KLHL21: variants seen among roughly 807,000 people sequenced by gnomAD.
KLHL21 encodes kelch-like protein 21.
Under a neutral mutation model 44.1 loss-of-function variants are expected in KLHL21, and 42 were observed. The ratio of observed to expected loss-of-function variants is 0.95; its 90% CI spans 0.74 to 1.23. The LOEUF is 1.23. Ranked by LOEUF, KLHL21 falls within the 50% of genes most tolerant of loss-of-function variation. The pLI is 0.00. For missense variants in KLHL21, 918 were observed against 889.1 expected (o/e 1.03, Z -0.41); for synonymous variants, 524 against 411.6 (o/e 1.27, Z -3.31).
In KLHL21 at chr1:6,591,438, C is replaced by T; in HGVS notation, c.*1927G>A. 6.3e-6 allele frequency: 1 copy of T among 159,028 alleles called. No homozygotes were observed. Among genetic ancestry groups the T allele is most frequent in the Non-Finnish European group, 1.4e-5 (1 of 72,690 alleles). 9.9% of individuals were successfully genotyped at this position (159,028 alleles called of 1,614,324 possible). On this transcript the variant is annotated 3_prime_UTR_variant, in exon 4 of 4. Coordinates refer to ENST00000377658, the MANE Select transcript of KLHL21 (RefSeq NM_014851.4). Reference sequence around the variant, plus strand: ...ACCCAGAGTTCCACAGGGGCAAGGCCTCGCAGACCAGCCAAGCCCGAGATG... The same window carrying T: ...ACCCAGAGTTCCACAGGGGCAAGGCTTCGCAGACCAGCCAAGCCCGAGATG...
At chr1:6,601,665 A>G in intron 1 of KLHL21, 132 bp downstream of exon 1, 1 of 1,378,526 alleles carries the variant, frequency 7.3e-7, no homozygotes, top group Non-Finnish European at 9.5e-7. Context: ...ACATGTAGTC[A>G]CCAGAGCCCC....
At chr1:6,599,011 C>T in intron 2 of KLHL21, 36 bp downstream of exon 2, 1 of 1,535,002 alleles carries the variant, frequency 6.5e-7, no homozygotes, top group Non-Finnish European at 8.8e-7. Flanking sequence ...GTAAGAGACA[C>T]CAAACACACA....
intron 1 of KLHL21, chr1:6,599,771 G>C (rs1640988943): frequency 3.0e-6 from 1 of 331,742 alleles, no homozygotes; most frequent in Non-Finnish European, 5.6e-6. Flanking sequence ...CCAGAGCCCT[G>C]GGCCTTGGGA....
rs1462914628 is a variant in KLHL21 at position 6,599,052 on chromosome 1, A to G, written c.1422T>C (p.Phe474=). ...GCTCGGCACCTGGAACTCACCTGAC[A>G]AAGTACATGAGTCCGTTTAGAGTCG... ...KTATLNGLMY[F]VRDDSAEVDV... Residue 474 remains phenylalanine (F), a synonymous_variant, in exon 2 of 4, where the codon TTT becomes TTC. Transcript: ENST00000377658. 5 of 1,575,998 alleles carry G rather than the reference A, an allele frequency of 3.2e-6. No homozygotes were observed. In the African/African-American group the frequency reaches 5.4e-5, roughly 17 times the overall value.
chr1:6,599,030 C>A lies in KLHL21; in HGVS notation c.1427+17G>T. The A allele has an allele frequency of 1.3e-6, 2 of 1,554,214 alleles. No individual in the cohort carries two copies. The highest frequency in any genetic ancestry group is 1.7e-6 in the Non-Finnish European group (2 of 1,147,406). On this transcript the variant is annotated intron_variant, in intron 2 of 3. Coordinates refer to ENST00000377658, the MANE Select transcript of KLHL21 (RefSeq NM_014851.4). Reference sequence around the variant, plus strand: ...GAGACACCAAACACACAGTGGGGCTCGGCACCTGGAACTCACCTGACAAAG... The same window carrying A: ...GAGACACCAAACACACAGTGGGGCTAGGCACCTGGAACTCACCTGACAAAG...
At chr1:6,595,634 T>C in intron 2 of KLHL21, 77 bp from the exon 3 acceptor site, 13 of 1,246,202 alleles carry the variant, frequency 1.0e-5, no homozygotes, top group Non-Finnish European at 1.5e-5. Flanking sequence ...AGCAGAGTCC[T>C]CCCCTGGGTC....
At position 6,592,585 on chromosome 1, in the gene KLHL21, G is replaced by C. The variant is rs1175363018; in HGVS notation, c.*780C>G. 2 of 152,270 alleles carry C rather than the reference G, an allele frequency of 1.3e-5. No homozygotes were observed. The highest frequency in any genetic ancestry group is 4.8e-5 in the African/African-American group (2 of 41,460). 9.4% of individuals were successfully genotyped at this position (152,270 alleles called of 1,614,324 possible). A position where few individuals can be genotyped will look rare whatever the true frequency, so the allele number is the denominator to read the frequency against. ...GAAGCAGTGGGACTCCTCACGCGCAGGCCCAGCAAGGGCTTGGGCACCCGC... is the reference window on the plus strand; with the variant it reads ...GAAGCAGTGGGACTCCTCACGCGCACGCCCAGCAAGGGCTTGGGCACCCGC... On this transcript the variant is annotated 3_prime_UTR_variant, in exon 4 of 4. Coordinates refer to ENST00000377658, the MANE Select transcript of KLHL21 (RefSeq NM_014851.4).
At chr1:6,595,226 C>G (rs1445057215) in intron 3 of KLHL21, 2 of 605,520 alleles carry the variant, frequency 3.3e-6, no homozygotes, top group Non-Finnish European at 5.9e-6. Flanking sequence ...TCCCTCACTT[C>G]CTTCTGCTCT....
At chr1:6,599,593 A>C in intron 1 of KLHL21, 141 bp from the exon 2 acceptor site, 1 of 873,612 alleles carries the variant, frequency 1.1e-6, no homozygotes, top group Non-Finnish European at 1.7e-6. Flanking sequence ...CCCTCTCCCC[A>C]AAAGCCCAGG....
Position 6,602,161 on chromosome 1 carries a change from C to A in KLHL21, c.657G>T (p.Gln219His), listed in dbSNP as rs1454168492. 8.4e-6 allele frequency: 12 copies of A among 1,427,308 alleles called. No homozygotes were observed. Among genetic ancestry groups the A allele is most frequent in the Non-Finnish European group, 1.1e-5 (12 of 1,101,504 alleles). 88.4% of individuals were successfully genotyped at this position (1,427,308 alleles called of 1,614,324 possible). Residue 219 changes from glutamine to histidine, a missense_variant, in exon 1 of 4, where the codon CAG becomes CAT. By Grantham distance (24) the Gln-to-His change is conservative. Transcript: ENST00000377658. ...AGGGCAGGCGCACGGCCTCCAGCAG[C>A]TGCGGCCAGTGCGCGGCGCGGCGCG... ...DPPRRAAHWP[Q>H]LLEAVRLPFV...
Position 6,602,276 on chromosome 1 carries a change from A to T in KLHL21, c.542T>A (p.Leu181Gln). The change falls in exon 1 of 4, where the codon CTG (leucine) becomes CAG (glutamine). Residue 181 changes from leucine to glutamine, a missense_variant. Transcript: ENST00000377658. ...CCCGTCGTCCCGCAGGTAGCGCAGC[A>T]GGCGCGCCAGTGGCAGCCGCTCCAG... ...EQLERLPLAR[L>Q]LRYLRDDGLC... 6.4e-7 allele frequency: 1 copy of T among 1,555,526 alleles called. No individual in the cohort carries two copies. The highest frequency in any genetic ancestry group is 8.6e-7 in the Non-Finnish European group (1 of 1,158,134).
chr1:6,595,623 G>C (rs1336589941), intron 2 of KLHL21, 66 bp from the exon 3 acceptor site: 3 of 1,387,396 alleles, frequency 2.2e-6, no homozygotes, highest in Non-Finnish European at 3.0e-6. Flanking sequence ...TGCAGGGCTG[G>C]AGCAGAGTCC....
rs1640888481 is a variant in KLHL21 at position 6,593,851 on chromosome 1, C to G, written c.1501-193G>C. The stretch of plus-strand genomic sequence containing the variant: ...GGAGAACGGGCCTCCCCGGAGGCAG[C>G]TGGGCCTTCCCTATGGTGATGAGGG... On this transcript the variant is annotated intron_variant, in intron 3 of 3. Transcript: ENST00000377658. 5.1e-6 allele frequency: 7 copies of G among 1,366,822 alleles called. No individual in the cohort carries two copies. In the East Asian group the frequency reaches 1.5e-4, roughly 30 times the overall value. 84.7% of individuals were successfully genotyped at this position (1,366,822 alleles called of 1,614,324 possible). A position where few individuals can be genotyped will look rare whatever the true frequency, so the allele number is the denominator to read the frequency against.
Position 6,601,954 on chromosome 1 carries a change from G to A in KLHL21, c.864C>T (p.Leu288=), listed in dbSNP as rs1641028491. The change falls in exon 1 of 4, where the codon CTC becomes CTT. Residue 288 remains leucine (L), a synonymous_variant. Transcript: ENST00000377658. ...CCTGGTCGCAGCCGCCCACGAGCAC[G>A]AGGATCTCGGCGAGACCGGTGGACG... ...PRPSTGLAEI[L]VLVGGCDQDC... The A allele has an allele frequency of 1.9e-6, 3 of 1,559,246 alleles. No individual in the cohort carries two copies. The South Asian group carries it at 3.5e-5, about 18-fold the overall frequency.
At chr1:6,599,473 C>T in intron 1 of KLHL21, 21 bp from the exon 2 acceptor site, 1 of 1,582,456 alleles carries the variant, frequency 6.3e-7, no homozygotes, top group Non-Finnish European at 8.6e-7. Flanking sequence ...GCATGACAGG[C>T]AGAAGATCAG....
At position 6,602,757 on chromosome 1, in the gene KLHL21, GGCTC is replaced by G. The variant is rs1438800252; in HGVS notation, c.57_60del (p.Ser20CysfsTer5). The G allele has an allele frequency of 6.7e-7, 1 of 1,495,872 alleles. No homozygotes were observed. The allele number at this position is 1,495,872 out of a possible 1,614,324, so 92.7% of individuals were successfully genotyped here. On this transcript the variant is annotated frameshift_variant, in exon 1 of 4. Transcript: ENST00000377658. LOFTEE classifies it high-confidence loss of function. ...CGCAGCTGGCTCAGGCCGCGCAGCA[GGCTC>G]AGGGCGTGCGCGGGGTCCGAGAAGG...
chr1:6,595,136 G>A (rs981260115), intron 3 of KLHL21: 18 of 536,492 alleles, frequency 3.4e-5, no homozygotes, highest in East Asian at 2.2e-4. Flanking sequence ...CTAAGAACAC[G>A]CCAGGGTGCC....
At position 6,601,929 on chromosome 1, in the gene KLHL21, C is replaced by A; in HGVS notation, c.889G>T (p.Asp297Tyr). Residue 297 changes from aspartate (D) to tyrosine (Y), a missense_variant, in exon 1 of 4, where the codon GAC (aspartate) becomes TAC (tyrosine). Coordinates refer to ENST00000377658, the MANE Select transcript of KLHL21 (RefSeq NM_014851.4). ...ILVLVGGCDQ[D>Y]CDELVTVDCY... is the part of the protein sequence containing the mutation. ...TCGACAGTGACCAGCTCGTCACAGT[C>A]CTGGTCGCAGCCGCCCACGAGCACG... 6.4e-7 allele frequency: 1 copy of A among 1,561,572 alleles called. No homozygotes were observed. The highest frequency in any genetic ancestry group is 8.7e-7 in the Non-Finnish European group (1 of 1,153,554).
In KLHL21 at chr1:6,602,059, C is replaced by A; in HGVS notation, c.759G>T (p.Leu253=). 6.6e-7 allele frequency: 1 copy of A among 1,515,564 alleles called. No individual in the cohort carries two copies. The highest frequency in any genetic ancestry group is 8.8e-7 in the Non-Finnish European group (1 of 1,132,292). 93.9% of individuals were successfully genotyped at this position (1,515,564 alleles called of 1,614,324 possible). Residue 253 remains leucine, a synonymous_variant, in exon 1 of 4, where the codon CTG becomes CTT. Transcript: ENST00000377658. ...LVARCPPCLR[L]LREARDFQAA... ...CCTGGAAGTCGCGCGCCTCGCGCAG[C>A]AGGCGCAGGCAGGGTGGGCAGCGCG...
Sources: gnomAD v4.1 joint callset for allele counts on GRCh38, gnomAD v4.1.1 for gene constraint, MANE v1.5 for transcripts, NCBI Gene and HGNC (gene_info 2026-07-23, HGNC 2026-07-21) for gene names.